GOLGA3: variants seen among roughly 807,000 people sequenced by gnomAD.
The protein encoded by GOLGA3 is golgin subfamily A member 3.
Under a neutral mutation model 169.4 loss-of-function variants are expected in GOLGA3, and 75 were observed. The ratio of observed to expected loss-of-function variants is 0.44; its 90% CI spans 0.37 to 0.54. The LOEUF (loss-of-function observed/expected upper bound fraction) is 0.54, where lower values mean the gene tolerates loss of function less well. GOLGA3 is among the 20% of genes least tolerant of loss of function. The pLI is 0.00. For missense variants in GOLGA3, 1,899 were observed against 1,930.0 expected (o/e 0.98, Z 0.30); for synonymous variants, 824 against 822.4 (o/e 1.00, Z -0.03).
In GOLGA3 at chr12:132,777,849, C is replaced by T; in HGVS notation, c.3583-44G>A. The T allele has an allele frequency of 6.2e-7, 1 of 1,607,242 alleles. No homozygotes were observed. Among genetic ancestry groups the T allele is most frequent in the Non-Finnish European group, 8.5e-7 (1 of 1,176,810 alleles). On this transcript the variant is annotated intron_variant, in intron 18 of 23. Coordinates refer to ENST00000450791, the MANE Select transcript of GOLGA3 (RefSeq NM_001389683.1). This position sits in a 1 kb window ranked among gnomAD's most constrained non-coding sequence, Gnocchi z 4.7. ...CGTTGTCCATGCCCTGCGTGACACC[C>T]ACAGCTTTATGACGTGCCGGGCGCA...
At chr12:132,819,857 G>A (rs1950138034) in intron 2 of GOLGA3, among the ~76,000 whole-genome samples, 1 of 152,114 alleles carries the variant, frequency 6.6e-6, no homozygotes, top group African/African-American at 2.4e-5. Context: ...CCGGGCAACA[G>A]CAAGACTGTT....
At chr12:132,808,879 G>T (rs1949557206) in intron 4 of GOLGA3, among the ~76,000 whole-genome samples, 2 of 152,102 alleles carry the variant, frequency 1.3e-5, no homozygotes, top group South Asian at 4.1e-4. Context: ...GGGTCAGTGG[G>T]TCTCCCCCTG....
chr12:132,794,414 G>C (rs968357524), intron 11 of GOLGA3, among the ~76,000 whole-genome samples: 4 of 151,904 alleles, frequency 2.6e-5, no homozygotes, highest in Non-Finnish European at 5.9e-5. Flanking sequence ...ACACCAGGCA[G>C]GCCCAGGAGG....
chr12:132,804,159 G>A lies in GOLGA3; in HGVS notation c.1597+557C>T, dbSNP rs565700427. ...AGCCCTATAGGGAGGCAGCTGGACC[G>A]ACGCACTGCATCCAGGGAGAAAAGG... is the stretch of plus-strand genomic sequence containing the variant. On this transcript the variant is annotated intron_variant, in intron 7 of 23. Transcript: ENST00000450791. This position sits in a 1 kb window ranked among gnomAD's most constrained non-coding sequence, Gnocchi z 4.1. Among the ~76,000 whole-genome samples, 42 of 152,316 alleles carry A rather than the reference G, an allele frequency of 2.8e-4. No individual in the cohort carries two copies. Among genetic ancestry groups the A allele is most frequent in the South Asian group, 2.7e-3 (13 of 4,826 alleles).
intron 18 of GOLGA3, among the ~76,000 whole-genome samples, chr12:132,779,843 A>ACCC (rs370726660): frequency 6.0e-4 from 53 of 88,870 alleles, no homozygotes; most frequent in South Asian, 9.4e-4. Context: ...TTGCACGGAC[A>ACCC]CCCCCCCGCG....
At chr12:132,818,246 T>C (rs890190595) in intron 2 of GOLGA3, among the ~76,000 whole-genome samples, 6 of 152,192 alleles carry the variant, frequency 3.9e-5, no homozygotes, top group African/African-American at 1.4e-4. Flanking sequence ...ATTTATGTAG[T>C]AACGACAGTA....
chr12:132,777,130 C>T lies in GOLGA3; in HGVS notation c.3723-40G>A. On this transcript the variant is annotated intron_variant, in intron 19 of 23. Transcript: ENST00000450791. The surrounding 1 kb of genome is among the most constrained non-coding windows in gnomAD (Gnocchi z 4.7). Reference sequence around the variant, plus strand: ...CAAGAAAGAAGGGAATCGCCACGCTCCTCCAGTGTGCTGTGCCCTCCCGCT... The same window carrying T: ...CAAGAAAGAAGGGAATCGCCACGCTTCTCCAGTGTGCTGTGCCCTCCCGCT... 6.4e-7 allele frequency: 1 copy of T among 1,551,584 alleles called. No homozygotes were observed. Among genetic ancestry groups the T allele is most frequent in the Non-Finnish European group, 8.7e-7 (1 of 1,151,458 alleles).
At position 132,821,837 on chromosome 12, in the gene GOLGA3, G is replaced by C. The variant is rs566695660; in HGVS notation, c.133+159C>G. Among the ~76,000 whole-genome samples, 46 of 119,844 alleles carry C rather than the reference G, an allele frequency of 3.8e-4. 2 individuals carry two copies. The highest frequency in any genetic ancestry group is 5.4e-3 in the Middle Eastern group (1 of 186). 78.6% of individuals were successfully genotyped at this position (119,844 alleles called of 152,430 possible). ...CCACTGCAGTCCAGCCTGGGCGAAAGAGCGAGACTCCGTCTCAAAAAAAAA... is the reference window on the plus strand; with the variant it reads ...CCACTGCAGTCCAGCCTGGGCGAAACAGCGAGACTCCGTCTCAAAAAAAAA... On this transcript the variant is annotated intron_variant, in intron 2 of 23. Coordinates refer to ENST00000450791, the MANE Select transcript of GOLGA3 (RefSeq NM_001389683.1).
chr12:132,808,359 G>T lies in GOLGA3; in HGVS notation c.710C>A (p.Thr237Asn). Reference sequence around the variant, plus strand: ...AGACCGGATTTTGCTTGATTTGGAAGTTTTTTTCTCCCTAGGATGTGCCGG... The same window carrying T: ...AGACCGGATTTTGCTTGATTTGGAATTTTTTTTCTCCCTAGGATGTGCCGG... ...GLPAHPREKK[T>N]SKSSKIRSLA... The change falls in exon 5 of 24, where the codon ACT becomes AAT. Residue 237 changes from threonine to asparagine, a missense_variant. Coordinates refer to ENST00000450791, the MANE Select transcript of GOLGA3 (RefSeq NM_001389683.1). 1 of 1,614,076 alleles carries T rather than the reference G, an allele frequency of 6.2e-7. No individual in the cohort carries two copies. Among genetic ancestry groups the T allele is most frequent in the South Asian group, 1.1e-5 (1 of 91,084 alleles).
rs192826427 is a variant in GOLGA3, at chr12:132,808,092, C to A, written c.977G>T (p.Arg326Leu). 1 of 1,596,448 alleles carries A rather than the reference C, an allele frequency of 6.3e-7. No individual in the cohort carries two copies. The highest frequency in any genetic ancestry group is 1.3e-5 in the African/African-American group (1 of 74,468). The part of the protein sequence containing the change: ...DSSSYSSAST[R>L]GTYGILSKTV... ...CTTCGACAGAATGCCATAGGTCCCT[C>A]GGGTGGAGGCGCTGCTGTACGATGA... Residue 326 changes from arginine to leucine, a missense_variant, in exon 5 of 24, where the codon CGA (arginine) becomes CTA (leucine). By Grantham distance (102) the Arg-to-Leu change is moderately radical. Coordinates refer to ENST00000450791, the MANE Select transcript of GOLGA3 (RefSeq NM_001389683.1).
Position 132,773,124 on chromosome 12 carries a change from T to C in GOLGA3, c.4478A>G (p.Lys1493Arg). 4 of 1,584,164 alleles carry C rather than the reference T, an allele frequency of 2.5e-6. No homozygotes were observed. The highest frequency in any genetic ancestry group is 3.4e-6 in the Non-Finnish European group (4 of 1,164,564). The part of the protein sequence containing the change: ...PQRHSQSRAS[K>R]EGPGE ...CAGCAGTCACTCTCCCGGCCCTTCT[T>C]TGGAAGCCCTGCTCTGACTGTGTCT... Residue 1493 changes from lysine to arginine, a missense_variant, in exon 24 of 24, where the codon AAA becomes AGA. Lys to Arg is a conservative substitution (Grantham distance 26, BLOSUM62 2). Coordinates refer to ENST00000450791, the MANE Select transcript of GOLGA3 (RefSeq NM_001389683.1).
Position 132,784,299 on chromosome 12 carries a change from G to A in GOLGA3, c.3132C>T (p.Ile1044=). ...SDSSLALHER[I]QALEAELQAV... is the part of the protein sequence containing the mutation. ...CCTGCAGCTCCGCCTCCAGGGCCTG[G>A]ATCCTTTCCTAAGGGCCAAGATGGA... is the stretch of plus-strand genomic sequence containing the variant. Residue 1044 remains isoleucine (I), a synonymous_variant, in exon 16 of 24, where the codon ATC becomes ATT. Coordinates refer to ENST00000450791, the MANE Select transcript of GOLGA3 (RefSeq NM_001389683.1). 1 of 1,607,244 alleles carries A rather than the reference G, an allele frequency of 6.2e-7. No individual in the cohort carries two copies. The highest frequency in any genetic ancestry group is 8.5e-7 in the Non-Finnish European group (1 of 1,179,434).
At chr12:132,774,001 A>C (rs892798084) in intron 23 of GOLGA3, among the ~76,000 whole-genome samples, 156 bp downstream of exon 23, 15 of 151,190 alleles carry the variant, frequency 9.9e-5, no homozygotes, top group Admixed American at 9.9e-4. Context: ...CCTCCCTTAT[A>C]TAAACCTCAG....
intron 11 of GOLGA3, among the ~76,000 whole-genome samples, chr12:132,793,766 G>C (rs539540668): frequency 6.7e-6 from 1 of 149,466 alleles, no homozygotes; most frequent in African/African-American, 2.5e-5. Context: ...ACAGACCCAC[G>C]GCACAGGACC....
At chr12:132,805,094 A>C (rs1949325674) in intron 6 of GOLGA3, 72 bp from the exon 7 acceptor site, 1 of 1,496,680 alleles carries the variant, frequency 6.7e-7, no homozygotes. Flanking sequence ...TAACAGGAAC[A>C]CAACCAGCGA....
chr12:132,780,491 T>C (rs1363789318), intron 18 of GOLGA3, among the ~76,000 whole-genome samples: 1 of 152,216 alleles, frequency 6.6e-6, no homozygotes, highest in African/African-American at 2.4e-5. Context: ...AATGGGATCA[T>C]ATGCTATTCT....
At chr12:132,797,569 G>A (rs977844402) in intron 9 of GOLGA3, among the ~76,000 whole-genome samples, 13 of 152,144 alleles carry the variant, frequency 8.5e-5, no homozygotes, top group African/African-American at 3.1e-4. Flanking sequence ...AAAATTAGCA[G>A]GGTATGGTGA....
Position 132,775,253 on chromosome 12 carries a change from T to C in GOLGA3, c.4031A>G (p.Lys1344Arg). Reference protein sequence around the residue: ...MAQEDLSMTQKDKFMLQAKVS... With the variant: ...MAQEDLSMTQRDKFMLQAKVS... Reference sequence around the variant, plus strand: ...TTTTGCCTGGAGCATAAATTTATCCTTCTGGGTCATGGACAGGTCTTCCTG... The same window carrying C: ...TTTTGCCTGGAGCATAAATTTATCCCTCTGGGTCATGGACAGGTCTTCCTG... Residue 1344 changes from lysine to arginine, a missense_variant, in exon 22 of 24, where the codon AAG (lysine) becomes AGG (arginine). By Grantham distance (26) the Lys-to-Arg change is conservative. Coordinates refer to ENST00000450791, the MANE Select transcript of GOLGA3 (RefSeq NM_001389683.1). 6.2e-7 allele frequency: 1 copy of C among 1,614,066 alleles called. No individual in the cohort carries two copies. Among genetic ancestry groups the C allele is most frequent in the Non-Finnish European group, 8.5e-7 (1 of 1,179,896 alleles).
chr12:132,816,395 C>T, intron 3 of GOLGA3, 145 bp downstream of exon 3: 1 of 753,718 alleles, frequency 1.3e-6, no homozygotes. Flanking sequence ...CCTTGCTAAA[C>T]TCACAGCCCC....
Sources: allele counts gnomAD v4.1 joint callset (sites outside exome capture counted in the v4.1 genomes callset), GRCh38; gene constraint gnomAD v4.1.1; non-coding constraint Gnocchi (gnomAD v3.1); transcripts MANE v1.5; gene names NCBI Gene and HGNC (gene_info 2026-07-23, HGNC 2026-07-21).